The following STK32B variants were observed in gnomAD, a reference collection of about 807,000 sequenced individuals.
The protein encoded by STK32B is serine/threonine kinase 32B.
STK32B carries 43 observed loss-of-function variants against 52.6 expected under a neutral mutation model. The ratio of observed to expected loss-of-function variants is 0.82; its 90% CI spans 0.64 to 1.05. The LOEUF is 1.05. STK32B is among the 50% of genes least tolerant of loss of function. The probability of loss-of-function intolerance (pLI) is 0.00; values close to 1 mark genes in which losing one functional copy is unlikely to be tolerated. For synonymous variants in STK32B, 238 were observed against 204.3 expected (o/e 1.17, Z -1.41); for missense variants, 621 against 534.6 (o/e 1.16, Z -1.59).
In STK32B at chr4:5,440,629, C is replaced by T. The variant is rs143469640; in HGVS notation, c.563-6044C>T. 7.9e-3 allele frequency among the ~76,000 whole-genome samples: 1,197 copies of T among 152,260 alleles called. 24 individuals carry two copies. The highest frequency in any genetic ancestry group is 0.027 in the African/African-American group (1,116 of 41,560). ...CCTGCCTAATTACCCTGGCCAGAAC[C>T]TCCAACACTATGTTGAATAAGAGTG... On this transcript the variant is annotated intron_variant, in intron 6 of 11. Transcript: ENST00000282908.
chr4:5,206,041 GA>G (rs1722555186), intron 3 of STK32B, among the ~76,000 whole-genome samples: 1 of 152,172 alleles, frequency 6.6e-6, no homozygotes, highest in Non-Finnish European at 1.5e-5. Flanking sequence ...GCTGGAAGTT[GA>G]ACCAAAAATC....
At chr4:5,106,825 T>G (rs964178942) in intron 1 of STK32B, among the ~76,000 whole-genome samples, 1 of 152,244 alleles carries the variant, frequency 6.6e-6, no homozygotes, top group African/African-American at 2.4e-5. Context: ...TATTGCTTCC[T>G]TGTGGTGTCT....
At chr4:5,063,737 T>A (rs1742304344) in intron 1 of STK32B, among the ~76,000 whole-genome samples, 1 of 152,218 alleles carries the variant, frequency 6.6e-6, no homozygotes. Flanking sequence ...CATGTCTTAA[T>A]CTGGGTTAGC....
At chr4:5,204,619 G>T (rs1327933419) in intron 3 of STK32B, among the ~76,000 whole-genome samples, 1 of 151,968 alleles carries the variant, frequency 6.6e-6, no homozygotes. Context: ...ACAGGTGGCT[G>T]CCACCACACC....
rs3072775 is a variant in STK32B, at chr4:5,059,052, C to CTTTTTTTTTTTTTTT, written c.52+7152_52+7166dup. Among the ~76,000 whole-genome samples the CTTTTTTTTTTTTTTT allele has an allele frequency of 5.3e-3, 457 of 86,878 alleles. 101 individuals carry two copies. The highest frequency in any genetic ancestry group is 7.0e-3 in the Non-Finnish European group (333 of 47,866). 57.0% of individuals were successfully genotyped at this position (86,878 alleles called of 152,430 possible). A position where few individuals can be genotyped will look rare whatever the true frequency, so the allele number is the denominator to read the frequency against. On this transcript the variant is annotated intron_variant, in intron 1 of 11. Transcript: ENST00000282908. ...AGGCGTGAGCCACCACGCCCAGCTG[C>CTTTTTTTTTTTTTTT]TTTTTTTTTTTTTTTTTTTTTTTTT...
intron 3 of STK32B, among the ~76,000 whole-genome samples, chr4:5,238,248 C>T (rs1724768007): frequency 6.6e-6 from 1 of 152,090 alleles, no homozygotes. Context: ...GGGAGAGGCT[C>T]CTTCCTTGCC....
chr4:5,364,410 A>G (rs1734741705), intron 4 of STK32B, among the ~76,000 whole-genome samples: 1 of 152,238 alleles, frequency 6.6e-6, no homozygotes, highest in Non-Finnish European at 1.5e-5. Flanking sequence ...CATTTGTCAA[A>G]CATGCACTCT....
Position 5,441,247 on chromosome 4 carries a change from G to T in STK32B, c.563-5426G>T, listed in dbSNP as rs1053552129. ...ATCCATCTGGTCCTGGACTCTTTTTGGTTGGTAAGCTATTGATTATTGCCA... is the reference window on the plus strand; with the variant it reads ...ATCCATCTGGTCCTGGACTCTTTTTTGTTGGTAAGCTATTGATTATTGCCA... On this transcript the variant is annotated intron_variant, in intron 6 of 11. Coordinates refer to ENST00000282908, the MANE Select transcript of STK32B (RefSeq NM_018401.3). 7.0e-3 allele frequency among the ~76,000 whole-genome samples: 1,059 copies of T among 151,648 alleles called. 5 individuals are homozygous for T. Among genetic ancestry groups the T allele is most frequent in the Non-Finnish European group, 0.01 (692 of 67,896 alleles).
chr4:5,374,788 A>G (rs1393296160), intron 4 of STK32B, among the ~76,000 whole-genome samples: 2 of 148,118 alleles, frequency 1.4e-5, no homozygotes, highest in Non-Finnish European at 3.0e-5. Context: ...GCGGGGGGGG[A>G]ACACCAACGT....
intron 3 of STK32B, among the ~76,000 whole-genome samples, chr4:5,290,928 A>G (rs1728859212): frequency 6.6e-6 from 1 of 152,146 alleles, no homozygotes; most frequent in Non-Finnish European, 1.5e-5. Context: ...GAGATACATA[A>G]TAACCAAAAT....
chr4:5,316,998 A>T (rs1399893692), intron 3 of STK32B, among the ~76,000 whole-genome samples: 1 of 22,786 alleles, frequency 4.4e-5, no homozygotes, highest in Non-Finnish European at 5.9e-5. Flanking sequence ...TATATGATAT[A>T]ATATATAATA....
rs371998271 is a variant in STK32B at position 5,371,732 on chromosome 4, C to T, written c.435-26475C>T. ...AAATTACTCAACCCTGCCACTGCAA[C>T]AAGAAAGCAGCCGTAATAAACAGTG... On this transcript the variant is annotated intron_variant, in intron 4 of 11. Transcript: ENST00000282908. Among the ~76,000 whole-genome samples, 6 of 152,360 alleles carry T rather than the reference C, an allele frequency of 3.9e-5. No homozygotes were observed. In the South Asian group the frequency reaches 1.2e-3, roughly 32 times the overall value.
chr4:5,062,570 A>G (rs920149569), intron 1 of STK32B, among the ~76,000 whole-genome samples: 4 of 152,036 alleles, frequency 2.6e-5, no homozygotes, highest in African/African-American at 9.7e-5. Context: ...GCAGTGGCAC[A>G]ATCTCAGCTC....
intron 4 of STK32B, among the ~76,000 whole-genome samples, chr4:5,337,736 C>T (rs570642701): frequency 2.6e-4 from 39 of 151,904 alleles, no homozygotes; most frequent in Middle Eastern, 6.8e-3. Context: ...GTAAAAATAA[C>T]ATTATTCATT....
intron 3 of STK32B, among the ~76,000 whole-genome samples, chr4:5,216,069 G>T (rs978307082): frequency 4.6e-5 from 7 of 152,174 alleles, no homozygotes; most frequent in Non-Finnish European, 8.8e-5. Flanking sequence ...TAGACTGTGA[G>T]TGCCTTGATA....
chr4:5,498,951 G>A lies in STK32B; in HGVS notation c.1113G>A (p.Arg371=), dbSNP rs777852214. The change falls in exon 12 of 12, where the codon AGG becomes AGA. Residue 371 remains arginine, a synonymous_variant. Transcript: ENST00000282908. ...GATCTGTGCTTGTTTGCAGGCTCAG[G>A]AGGCAGCAGGGACAGGGCAGCCAGC... ...EFIIFNREKL[R]RQQGQGSQLL... 6.2e-7 allele frequency: 1 copy of A among 1,612,104 alleles called. No homozygotes were observed. The highest frequency in any genetic ancestry group is 8.5e-7 in the Non-Finnish European group (1 of 1,178,912).
intron 3 of STK32B, 35 bp from the exon 4 acceptor site, chr4:5,331,185 C>A (rs1236398468): frequency 6.4e-7 from 1 of 1,570,720 alleles, no homozygotes; most frequent in African/African-American, 1.4e-5. Context: ...AAGGTGCCTC[C>A]ACCCCTAATC....
chr4:5,492,804 A>T lies in STK32B; in HGVS notation c.1107-6141A>T, dbSNP rs998631930. Among the ~76,000 whole-genome samples, 18 of 151,378 alleles carry T rather than the reference A, an allele frequency of 1.2e-4. 1 individual carries two copies. The highest frequency in any genetic ancestry group is 3.9e-4 in the African/African-American group (16 of 40,692). ...GCATGAAGGGTTGTTGAATTTTGTC[A>T]AAGGCCTTTTCTGCATCTGTTGAGA... is the stretch of plus-strand genomic sequence containing the variant. On this transcript the variant is annotated intron_variant, in intron 11 of 11. Coordinates refer to ENST00000282908, the MANE Select transcript of STK32B (RefSeq NM_018401.3).
intron 4 of STK32B, among the ~76,000 whole-genome samples, chr4:5,346,428 G>C (rs1018667429): frequency 6.6e-6 from 1 of 152,176 alleles, no homozygotes; most frequent in Non-Finnish European, 1.5e-5. Flanking sequence ...CTTCTGATGA[G>C]CAGTGGAGTT....
Sources: gnomAD v4.1 joint callset for allele counts (sites outside exome capture counted in the v4.1 genomes callset) on GRCh38, gnomAD v4.1.1 for gene constraint, MANE v1.5 for transcripts, NCBI Gene and HGNC (gene_info 2026-07-23, HGNC 2026-07-21) for gene names.